Variants in FMNL3 observed in about 807,000 individuals in gnomAD.
FMNL3 encodes formin like 3.
A neutral mutation model predicts 119.6 loss-of-function variants in FMNL3; 57 were observed. The ratio of observed to expected loss-of-function variants is 0.48; its 90% confidence interval spans 0.39 to 0.59. The LOEUF is 0.59. Ranked by LOEUF, FMNL3 falls within the 20% of genes least tolerant of loss-of-function variation. FMNL3 has a pLI of 0.00. For synonymous variants in FMNL3, 491 were observed against 507.3 expected (o/e 0.97, Z 0.43); for missense variants, 1,053 against 1,323.5 (o/e 0.80, Z 3.17).
Position 49,653,219 on chromosome 12 carries a change from C to T in FMNL3, c.1323+7G>A, listed in dbSNP as rs780926298. 1 of 1,613,770 alleles carries T rather than the reference C, an allele frequency of 6.2e-7. No individual in the cohort carries two copies. Among genetic ancestry groups the T allele is most frequent in the South Asian group, 1.1e-5 (1 of 91,076 alleles). On this transcript the variant is annotated splice_region_variant and intron_variant, in intron 13 of 25. Transcript: ENST00000335154. ...GTCAGGGACTGCCTTCCCCAGAGTA[C>T]TTGTACCTTGATGCTCTCTAGTTCC...
chr12:49,693,335 T>C (rs1944657177), intron 1 of FMNL3, among the ~76,000 whole-genome samples: 1 of 151,958 alleles, frequency 6.6e-6, no homozygotes, highest in African/African-American at 2.4e-5. Flanking sequence ...AGATTACATA[T>C]ACATATAGAG....
intron 5 of FMNL3, among the ~76,000 whole-genome samples, chr12:49,661,108 T>G (rs1943720711): frequency 6.6e-6 from 1 of 152,240 alleles, no homozygotes; most frequent in Non-Finnish European, 1.5e-5. Context: ...CTAAATGTGT[T>G]GGTCATTATG....
In FMNL3 at chr12:49,658,425, AG is replaced by A; in HGVS notation, c.605+16del. 1 of 1,577,608 alleles carries A rather than the reference AG, an allele frequency of 6.3e-7. No individual in the cohort carries two copies. Among genetic ancestry groups the A allele is most frequent in the Middle Eastern group, 1.7e-4 (1 of 5,858 alleles). ...GGTAGGGTGGGAGGCAGGTGGGCAG[AG>A]CAAAAGCACACATACCGGAGCACAG... On this transcript the variant is annotated intron_variant, in intron 6 of 25. Transcript: ENST00000335154.
At chr12:49,668,589 C>T (rs747167877) in intron 1 of FMNL3, 35 bp from the exon 2 acceptor site, 1 of 1,588,496 alleles carries the variant, frequency 6.3e-7, no homozygotes, top group East Asian at 2.2e-5. Context: ...AGGCTGAAAC[C>T]TCCCCTCATC....
chr12:49,672,507 G>A (rs115778740), intron 1 of FMNL3, among the ~76,000 whole-genome samples: 2,134 of 152,352 alleles, frequency 0.014, 50 homozygotes, highest in African/African-American at 0.048. Context: ...TGCTTCTCCA[G>A]CAAGGCTGCT....
chr12:49,655,265 C>T (rs1943535336), intron 9 of FMNL3, among the ~76,000 whole-genome samples: 1 of 152,162 alleles, frequency 6.6e-6, no homozygotes, highest in South Asian at 2.1e-4. Context: ...AACCCCATCT[C>T]TACTCAAAAT....
chr12:49,648,986 G>A, intron 21 of FMNL3, 43 bp downstream of exon 21: 2 of 1,552,032 alleles, frequency 1.3e-6, no homozygotes, highest in Non-Finnish European at 8.7e-7. Context: ...GATTGTCCTG[G>A]GCTGGATGTG....
Position 49,707,309 on chromosome 12 carries a change from G to A in FMNL3, c.-129C>T. The A allele has an allele frequency of 1.1e-6, 1 of 877,828 alleles. No individual in the cohort carries two copies. Among genetic ancestry groups the A allele is most frequent in the Non-Finnish European group, 1.6e-6 (1 of 632,502 alleles). 54.4% of individuals were successfully genotyped at this position (877,828 alleles called of 1,614,324 possible). On this transcript the variant is annotated 5_prime_UTR_variant, in exon 1 of 26. Transcript: ENST00000335154. ...GTCCCGACTCCTCGGCCCCGTCGAG[G>A]GCGCCGGGGGTTCCCTGGAGTCCCG...
At chr12:49,693,330 A>G (rs997844871) in intron 1 of FMNL3, among the ~76,000 whole-genome samples, 1 of 152,076 alleles carries the variant, frequency 6.6e-6, no homozygotes, top group Non-Finnish European at 1.5e-5. Flanking sequence ...CAGGCAGATT[A>G]CATATACATA....
At chr12:49,656,535 C>T (rs1205755529) in intron 8 of FMNL3, 38 bp from the exon 9 acceptor site, 1 of 1,563,460 alleles carries the variant, frequency 6.4e-7, no homozygotes, top group Non-Finnish European at 8.8e-7. Flanking sequence ...CCCTAACTCC[C>T]CATCCTGACA....
At chr12:49,662,556 T>C (rs7956181) in intron 4 of FMNL3, among the ~76,000 whole-genome samples, 27,586 of 152,124 alleles carry the variant, frequency 0.18, 3,791 homozygotes, top group African/African-American at 0.39. Flanking sequence ...CACTCTCTAC[T>C]AAGTTTAAGG....
rs985600327 is a variant in FMNL3 at position 49,640,478 on chromosome 12, A to G, written c.*5337T>C. 2.0e-5 allele frequency: 3 copies of G among 152,286 alleles called. No homozygotes were observed. The highest frequency in any genetic ancestry group is 7.2e-5 in the African/African-American group (3 of 41,432). The allele number at this position is 152,286 out of a possible 1,614,324, so 9.4% of individuals were successfully genotyped here. ...AAGTGGTAGAGGCACTGAGGACCAG[A>G]TGAGTGAGGACAAAGAAGGCGGCCT... On this transcript the variant is annotated 3_prime_UTR_variant, in exon 26 of 26. Transcript: ENST00000335154.
In FMNL3 at chr12:49,657,222, G is replaced by A. The variant is rs114359142; in HGVS notation, c.606-32C>T. ...AGATGGGCCAGGCAGTCAGGTGGGA[G>A]CTGAGGCTGCCAGTGAAGCATCTAG... On this transcript the variant is annotated intron_variant, in intron 6 of 25. Transcript: ENST00000335154. 4,054 of 1,547,464 alleles carry A rather than the reference G, an allele frequency of 2.6e-3. 91 individuals carry two copies. In the African/African-American group the frequency reaches 0.046, roughly 18 times the overall value.
chr12:49,693,688 G>GCCCA (rs1944676358), intron 1 of FMNL3, among the ~76,000 whole-genome samples: 1 of 98,208 alleles, frequency 1.0e-5, no homozygotes, highest in Admixed American at 1.6e-4. Context: ...CGCTCTTGTT[G>GCCCA]CCCAGGCTGG....
intron 1 of FMNL3, among the ~76,000 whole-genome samples, chr12:49,693,636 G>GTTTTTTTTTTTTTT (rs71080198): frequency 6.3e-5 from 4 of 63,360 alleles, no homozygotes; most frequent in Non-Finnish European, 9.6e-5. Context: ...CCCAATCTTG[G>GTTTTTTTTTTTTTT]TTTTTTTTTT....
intron 1 of FMNL3, among the ~76,000 whole-genome samples, chr12:49,680,958 A>G (rs544462630): frequency 3.9e-4 from 59 of 152,382 alleles, no homozygotes; most frequent in South Asian, 6.2e-4. Context: ...AAAGAAAACA[A>G]ATCTCTTTTT....
At chr12:49,685,305 CGATATCCCTAGCTGGGCATGGT>C (rs1944429980) in intron 1 of FMNL3, among the ~76,000 whole-genome samples, 1 of 151,996 alleles carries the variant, frequency 6.6e-6, no homozygotes, top group Non-Finnish European at 1.5e-5. Flanking sequence ...AGCTGCATGG[CGATATCCCTAGCTGGGCATGGT>C]GGCACGCGCC....
rs771337882 is a variant in FMNL3 at position 49,649,361 on chromosome 12, G to A, written c.2305-22C>T. The A allele has an allele frequency of 1.7e-5, 27 of 1,613,990 alleles. No homozygotes were observed. Among genetic ancestry groups the A allele is most frequent in the Admixed American group, 5.0e-5 (3 of 60,004 alleles). On this transcript the variant is annotated intron_variant, in intron 19 of 25. Transcript: ENST00000335154. The surrounding 1 kb of genome is among the most constrained non-coding windows in gnomAD (Gnocchi z 5.6). ...TGATCTGTCCAAAGAATGTGTGGGA[G>A]GCAGGTCAGGCTCAGGTCCTGAAGG...
intron 13 of FMNL3, 109 bp from the exon 14 acceptor site, chr12:49,652,321 G>A: frequency 6.9e-7 from 1 of 1,453,010 alleles, no homozygotes; most frequent in South Asian, 1.4e-5. Flanking sequence ...CTCTGTCAGG[G>A]TACTCAGAGG....
Sources: allele counts gnomAD v4.1 joint callset (sites outside exome capture counted in the v4.1 genomes callset), GRCh38; gene constraint gnomAD v4.1.1; non-coding constraint Gnocchi (gnomAD v3.1); transcripts MANE v1.5; gene names NCBI Gene and HGNC (gene_info 2026-07-23, HGNC 2026-07-21).